Variants in PDIA6 observed in about 807,000 individuals in gnomAD.
The protein encoded by PDIA6 is protein disulfide isomerase family A member 6, also known as protein disulfide-isomerase A6.
A neutral mutation model predicts 58.4 loss-of-function variants in PDIA6; 29 were observed. The ratio of observed to expected loss-of-function variants is 0.50; its 90% confidence interval spans 0.37 to 0.68. PDIA6 has a LOEUF of 0.68. Ranked by LOEUF, PDIA6 falls within the 30% of genes least tolerant of loss-of-function variation. PDIA6 has a pLI of 0.00. For synonymous variants in PDIA6, 192 were observed against 202.6 expected (o/e 0.95, Z 0.44); for missense variants, 480 against 551.0 (o/e 0.87, Z 1.29).
intron 1 of PDIA6, chr2:10,810,234 A>G (rs1666946307): frequency 7.3e-7 from 1 of 1,372,182 alleles, no homozygotes; most frequent in Non-Finnish European, 1.0e-6. Context: ...CACAGAAAGG[A>G]TAACTTACCT....
At chr2:10,822,349 G>A (rs55688940) in intron 1 of PDIA6, among the ~76,000 whole-genome samples, 23,489 of 151,712 alleles carry the variant, frequency 0.15, 2,014 homozygotes, top group Middle Eastern at 0.21. Flanking sequence ...TGCAAGCTCC[G>A]CCTCCCGGGT....
At chr2:10,834,721 C>CCCTCCCTTCCTTCCTTCCTT (rs1303608003), upstream of PDIA6, among the ~76,000 whole-genome samples, 1 of 45,474 alleles carries the variant, frequency 2.2e-5, no homozygotes, top group Non-Finnish European at 4.6e-5. Context: ...CTCCCTCCCT[C>CCCTCCCTTCCTTCCTTCCTT]CCTTCCTTCC....
At chr2:10,812,982 C>G (rs553384722), upstream of PDIA6, 12 of 395,672 alleles carry the variant, frequency 3.0e-5, no homozygotes, top group South Asian at 1.2e-4. Context: ...GCGGGGCCTG[C>G]TGGGGGCGGG....
chr2:10,831,047 C>T (rs964874186), intron 1 of PDIA6, among the ~76,000 whole-genome samples: 10 of 152,350 alleles, frequency 6.6e-5, no homozygotes, highest in South Asian at 2.1e-4. Context: ...CTTGTGGGAG[C>T]GCAGCGGACT....
chr2:10,820,099 T>C (rs13431633), intron 1 of PDIA6, among the ~76,000 whole-genome samples: 38,240 of 152,192 alleles, frequency 0.25, 5,076 homozygotes, highest in Non-Finnish European at 0.27. Context: ...GGGTAATACC[T>C]GTGGTTCGTT....
chr2:10,793,090 TCTTA>T lies in PDIA6; in HGVS notation c.453+2_453+5del, dbSNP rs766346243. On this transcript the variant is annotated splice_donor_variant and splice_donor_5th_base_variant and intron_variant, in intron 5 of 12. Transcript: ENST00000272227. LOFTEE classifies it high-confidence loss of function. ...CACATTAAAAACTGACATTTTATGG[TCTTA>T]CTTGTTTTCCAGAACTGTATCCTCC... is the stretch of plus-strand genomic sequence containing the variant. The T allele has an allele frequency of 9.5e-6, 15 of 1,586,590 alleles. No individual in the cohort carries two copies. The highest frequency in any genetic ancestry group is 1.3e-5 in the Non-Finnish European group (15 of 1,154,878).
chr2:10,808,201 G>T (rs1666840410), intron 1 of PDIA6, among the ~76,000 whole-genome samples: 1 of 152,226 alleles, frequency 6.6e-6, no homozygotes, highest in Non-Finnish European at 1.5e-5. Context: ...CCATGTGGAA[G>T]GTGGATTGGG....
upstream of PDIA6, among the ~76,000 whole-genome samples, chr2:10,816,522 C>CTTT (rs772701227): frequency 1.3e-3 from 180 of 138,226 alleles, 5 homozygotes; most frequent in African/African-American, 4.8e-3. Context: ...CCTTTTTGTG[C>CTTT]TTTCTTTTTT....
At chr2:10,811,811 G>C (rs1206930984) in intron 1 of PDIA6, among the ~76,000 whole-genome samples, 1 of 152,218 alleles carries the variant, frequency 6.6e-6, no homozygotes, top group Non-Finnish European at 1.5e-5. Flanking sequence ...TAAGGAGTCC[G>C]ATCACATGCG....
rs905553118 is a variant in PDIA6, at chr2:10,793,139, T to C, written c.410A>G (p.Asp137Gly). 6.2e-6 allele frequency: 10 copies of C among 1,614,148 alleles called. No individual in the cohort carries two copies. Among genetic ancestry groups the C allele is most frequent in the Non-Finnish European group, 8.5e-6 (10 of 1,179,978 alleles). ...TCCTCCGCTCCGTCCCCCGAGGCGA[T>C]CCTTCACGAGCTGGCGCAGAGCACT... is the stretch of plus-strand genomic sequence containing the variant. ...ALSALRQLVK[D>G]RLGGRSGGYS... Residue 137 changes from aspartate (D) to glycine (G), a missense_variant, in exon 5 of 13, where the codon GAT (aspartate) becomes GGT (glycine). By Grantham distance (94) the Asp-to-Gly change is moderately conservative. Coordinates refer to ENST00000272227, the MANE Select transcript of PDIA6 (RefSeq NM_005742.4).
chr2:10,787,289 C>T lies in PDIA6; in HGVS notation c.1149G>A (p.Glu383=), dbSNP rs1572648557. ...KGSFSEQGIN[E]FLRELSFGRG... ...CTAAGAAAACAAATTACCTGAGAAA[C>T]TCGTTGATGCCTTGCTCACTGAAGG... The change falls in exon 11 of 13, where the codon GAG becomes GAA. Residue 383 remains glutamate (E), a synonymous_variant. Coordinates refer to ENST00000272227, the MANE Select transcript of PDIA6 (RefSeq NM_005742.4). 1 of 1,613,784 alleles carries T rather than the reference C, an allele frequency of 6.2e-7. No homozygotes were observed. The highest frequency in any genetic ancestry group is 1.1e-5 in the South Asian group (1 of 91,074).
intron 1 of PDIA6, among the ~76,000 whole-genome samples, chr2:10,806,458 T>TAAA (rs58826673): frequency 2.1e-5 from 3 of 141,974 alleles, no homozygotes. Context: ...GCCAAAAAGT[T>TAAA]AAAAAAAAAA....
At position 10,812,649 on chromosome 2, in the gene PDIA6, C is replaced by G. The variant is rs771307922; in HGVS notation, c.19+29G>C. 8.6e-6 allele frequency: 13 copies of G among 1,520,164 alleles called. No individual in the cohort carries two copies. The African/African-American group carries it at 1.9e-4, about 22-fold the overall frequency. The allele number at this position is 1,520,164 out of a possible 1,614,324, so 94.2% of individuals were successfully genotyped here. On this transcript the variant is annotated intron_variant, in intron 1 of 12. Coordinates refer to ENST00000272227, the MANE Select transcript of PDIA6 (RefSeq NM_005742.4). ...AACCTTTCAGGCCGACCCCAGCTCG[C>G]CCGCCTCCCTCCGCTGGCCCGCACC...
chr2:10,809,447 C>T (rs148907055), intron 1 of PDIA6, among the ~76,000 whole-genome samples: 4,378 of 151,838 alleles, frequency 0.029, 217 homozygotes, highest in African/African-American at 0.099. Context: ...GAGGATGAGG[C>T]GGGTGGATAA....
In PDIA6 at chr2:10,787,274, A is replaced by T; in HGVS notation, c.1157+7T>A. 1 of 1,613,544 alleles carries T rather than the reference A, an allele frequency of 6.2e-7. No individual in the cohort carries two copies. Among genetic ancestry groups the T allele is most frequent in the Non-Finnish European group, 8.5e-7 (1 of 1,179,402 alleles). ...AAAACAACAAACAACCTAAGAAAAC[A>T]AATTACCTGAGAAACTCGTTGATGC... On this transcript the variant is annotated splice_region_variant and intron_variant, in intron 11 of 12. Coordinates refer to ENST00000272227, the MANE Select transcript of PDIA6 (RefSeq NM_005742.4).
In PDIA6 at chr2:10,809,149, T is replaced by G. The variant is rs559195144; in HGVS notation, c.19+3529A>C. Among the ~76,000 whole-genome samples, 86 of 152,348 alleles carry G rather than the reference T, an allele frequency of 5.6e-4. 1 individual carries two copies. The South Asian group carries it at 0.017, about 30-fold the overall frequency. ...ATTTTGAAAACACATGTTTAAATGA[T>G]CTTAGATATACTCAGTAAATATATT... On this transcript the variant is annotated intron_variant, in intron 1 of 12. Transcript: ENST00000272227.
At chr2:10,796,304 T>C (rs1314696403) in intron 4 of PDIA6, among the ~76,000 whole-genome samples, 1 of 152,044 alleles carries the variant, frequency 6.6e-6, no homozygotes, top group East Asian at 1.9e-4. Flanking sequence ...CCGCCCGTCT[T>C]GGCCTCCCAA....
chr2:10,799,806 A>G (rs1326726175), intron 2 of PDIA6, among the ~76,000 whole-genome samples: 1 of 152,018 alleles, frequency 6.6e-6, no homozygotes, highest in Non-Finnish European at 1.5e-5. Flanking sequence ...AATGCCACAT[A>G]CATATAAATA....
At chr2:10,788,584 A>C (rs1734433) in intron 10 of PDIA6, 113 bp downstream of exon 10, 203,892 of 743,222 alleles carry the variant, frequency 0.27, 31,133 homozygotes, top group Admixed American at 0.38. Flanking sequence ...AAAAAAAAAC[A>C]TATAGCAGAG....
Sources: gnomAD v4.1 joint callset for allele counts (sites outside exome capture counted in the v4.1 genomes callset) on GRCh38, gnomAD v4.1.1 for gene constraint, MANE v1.5 for transcripts, NCBI Gene and HGNC (gene_info 2026-07-23, HGNC 2026-07-21) for gene names.